ADCY7: variants seen among roughly 807,000 people sequenced by gnomAD.
The protein encoded by ADCY7 is adenylate cyclase type 7.
Under a neutral mutation model 120.6 loss-of-function variants are expected in ADCY7, and 72 were observed. The ratio of observed to expected loss-of-function variants is 0.60; its 90% CI spans 0.49 to 0.73. The LOEUF (loss-of-function observed/expected upper bound fraction) is 0.73. Ranked by LOEUF, ADCY7 falls within the 30% of genes least tolerant of loss-of-function variation. The probability of loss-of-function intolerance (pLI) is 0.00; values close to 1 mark genes in which losing one functional copy is unlikely to be tolerated. For missense variants in ADCY7, 1,227 were observed against 1,486.0 expected, an observed-to-expected ratio of 0.83 and a Z score of 2.87; for synonymous variants, 661 against 628.0, an observed-to-expected ratio of 1.05 and a Z score of -0.78.
In ADCY7 at chr16:50,284,185, G is replaced by A. The variant is rs186572111; in HGVS notation, c.-268-3727G>A. ...CATGCCACTGGTGGTGGGTTCCTGG[G>A]CCCCCTCTGGAGATGTGATCAGTGA... On this transcript the variant is annotated intron_variant, in intron 1 of 25. Transcript: ENST00000673801. Among the ~76,000 whole-genome samples, 26 of 152,218 alleles carry A rather than the reference G, an allele frequency of 1.7e-4. No homozygotes were observed. The East Asian group carries it at 5.0e-3, about 29-fold the overall frequency.
rs1246005548 is a variant in ADCY7, at chr16:50,314,060, C to G, written c.2854C>G (p.Gln952Glu). Reference sequence around the variant, plus strand: ...CAGCGTCGCCTCAGGGCACGAGAACCAGGTACTCAAGCCCAAGAGGTGAAA... The same window carrying G: ...CAGCGTCGCCTCAGGGCACGAGAACGAGGTACTCAAGCCCAAGAGGTGAAA... ...GLSVASGHEN[Q>E]ELERQHAHIG... is the part of the protein sequence containing the mutation. The change falls in exon 23 of 26, where the codon CAG becomes GAG. Residue 952 changes from glutamine (Q) to glutamate (E), a missense_variant and splice_region_variant. Gln to Glu is a conservative substitution (Grantham distance 29). Around this residue, in one of 5 missense-constraint regions of ADCY7, gnomAD observed 244 missense variants for 332.8 expected, o/e 0.73. Coordinates refer to ENST00000673801, the MANE Select transcript of ADCY7 (RefSeq NM_001114.5). 2 of 1,613,588 alleles carry G rather than the reference C, an allele frequency of 1.2e-6. No homozygotes were observed. The highest frequency in any genetic ancestry group is 2.7e-5 in the African/African-American group (2 of 75,048).
At chr16:50,262,754 G>A (rs2033093190), upstream of ADCY7, among the ~76,000 whole-genome samples, 1 of 152,196 alleles carries the variant, frequency 6.6e-6, no homozygotes. Context: ...GGAAGAGGAT[G>A]GGGGTTGCTG....
intron 1 of ADCY7, among the ~76,000 whole-genome samples, chr16:50,278,882 T>C (rs982635370): frequency 2.0e-5 from 3 of 151,714 alleles, no homozygotes; most frequent in Non-Finnish European, 2.9e-5. Flanking sequence ...CTCTTTTTTT[T>C]TTTTTTTTTG....
chr16:50,252,013 C>G (rs922853265), intron 1 of ADCY7, among the ~76,000 whole-genome samples: 2 of 152,236 alleles, frequency 1.3e-5, no homozygotes, highest in Non-Finnish European at 2.9e-5. Context: ...CTGTCACAGT[C>G]CCAGGCCTCT....
At chr16:50,258,759 A>AT (rs1467274879) in intron 1 of ADCY7, among the ~76,000 whole-genome samples, 1 of 151,586 alleles carries the variant, frequency 6.6e-6, no homozygotes, top group Non-Finnish European at 1.5e-5. Context: ...GCTCAGGCTA[A>AT]TTTTTTTTGT....
At chr16:50,250,012 T>C (rs2032707557) in intron 1 of ADCY7, among the ~76,000 whole-genome samples, 2 of 152,228 alleles carry the variant, frequency 1.3e-5, no homozygotes, top group African/African-American at 4.8e-5. Flanking sequence ...GAGTCCCAGC[T>C]CAATGTTTGG....
At position 50,317,992 on chromosome 16, in the gene ADCY7, G is replaced by A. The variant is rs1045959814; in HGVS notation, c.*2487G>A. The A allele has an allele frequency of 6.6e-6, 1 of 152,268 alleles. No individual in the cohort carries two copies. The highest frequency in any genetic ancestry group is 2.4e-5 in the African/African-American group (1 of 41,414). The allele number at this position is 152,268 out of a possible 1,614,324, so 9.4% of individuals were successfully genotyped here. On this transcript the variant is annotated 3_prime_UTR_variant, in exon 26 of 26. Transcript: ENST00000673801. ...GTGTAAAGAAATATGATTTGAGGTGGTGCATGCAAGTAACTAGGGTTTATT... is the reference window on the plus strand; with the variant it reads ...GTGTAAAGAAATATGATTTGAGGTGATGCATGCAAGTAACTAGGGTTTATT...
At chr16:50,290,386 G>T in intron 2 of ADCY7, 71 bp from the exon 3 acceptor site, 1 of 1,564,692 alleles carries the variant, frequency 6.4e-7, no homozygotes, top group Non-Finnish European at 8.7e-7. Context: ...AGCCGGCCCG[G>T]CAGGCTTTCT....
chr16:50,314,524 T>G, intron 24 of ADCY7, 118 bp downstream of exon 24: 3 of 693,138 alleles, frequency 4.3e-6, no homozygotes, highest in Non-Finnish European at 7.4e-6. Flanking sequence ...ATCCCTCTGA[T>G]CTGACAAGCT....
intron 10 of ADCY7, among the ~76,000 whole-genome samples, chr16:50,303,497 C>G (rs527580832): frequency 1.3e-5 from 2 of 152,156 alleles, no homozygotes; most frequent in African/African-American, 4.8e-5. Context: ...ACCTGGAGCC[C>G]GCTTAAGCTC....
chr16:50,270,095 T>C (rs2033459282), intron 1 of ADCY7, among the ~76,000 whole-genome samples: 1 of 152,052 alleles, frequency 6.6e-6, no homozygotes, highest in Admixed American at 6.5e-5. Flanking sequence ...GAGGATTGCT[T>C]GAGCCCAGGA....
At chr16:50,287,765 T>A (rs1456599979) in intron 1 of ADCY7, 147 bp from the exon 2 acceptor site, 1 of 166,872 alleles carries the variant, frequency 6.0e-6, no homozygotes, top group African/African-American at 2.4e-5. Context: ...GGACTAGCTT[T>A]ACGACAACAG....
At chr16:50,256,922 T>C (rs1209327428) in intron 1 of ADCY7, among the ~76,000 whole-genome samples, 5 of 152,164 alleles carry the variant, frequency 3.3e-5, no homozygotes, top group Admixed American at 2.6e-4. Flanking sequence ...TAGAAACAAG[T>C]GTCCATTAAT....
chr16:50,312,686 A>C (rs1224477425), intron 21 of ADCY7, among the ~76,000 whole-genome samples: 1 of 152,094 alleles, frequency 6.6e-6, no homozygotes, highest in Non-Finnish European at 1.5e-5. Flanking sequence ...GCAAAAACCA[A>C]CCTGAGCCTG....
At chr16:50,289,622 C>T (rs1484716283) in intron 2 of ADCY7, among the ~76,000 whole-genome samples, 8 of 152,182 alleles carry the variant, frequency 5.3e-5, no homozygotes, top group African/African-American at 1.7e-4. Context: ...CATGCCACCA[C>T]GCCTGGCTAA....
rs1217380252 is a variant in ADCY7, at chr16:50,291,610, C to G, written c.376-126C>G. On this transcript the variant is annotated intron_variant, in intron 3 of 25. Transcript: ENST00000673801. Reference sequence around the variant, plus strand: ...TTGTTCCCTTGTATGTCTGCCCACGCAGGGGGTGGCGAGGGAGCCAACCTA... The same window carrying G: ...TTGTTCCCTTGTATGTCTGCCCACGGAGGGGGTGGCGAGGGAGCCAACCTA... 32 of 1,042,900 alleles carry G rather than the reference C, an allele frequency of 3.1e-5. No homozygotes were observed. The Admixed American group carries it at 6.7e-4, about 22-fold the overall frequency. The allele number at this position is 1,042,900 out of a possible 1,614,324, so 64.6% of individuals were successfully genotyped here. A position where few individuals can be genotyped will look rare whatever the true frequency, so the allele number is the denominator to read the frequency against.
chr16:50,304,693 G>T (rs1450495899), intron 11 of ADCY7, 142 bp downstream of exon 11: 1 of 1,052,920 alleles, frequency 9.5e-7, no homozygotes, highest in South Asian at 1.5e-5. Flanking sequence ...ACCTCCTGGG[G>T]CTGGAGAGGA....
At chr16:50,305,991 C>CG (rs2036040522) in intron 14 of ADCY7, 142 bp downstream of exon 14, 8 of 716,062 alleles carry the variant, frequency 1.1e-5, no homozygotes, top group South Asian at 6.4e-5. Flanking sequence ...TGCTCCTGGG[C>CG]GGGGGGCAGG....
Position 50,308,690 on chromosome 16 carries a change from GCTCTGCACTAT to G in ADCY7, c.1965_1975del (p.Cys655Ter), listed in dbSNP as rs2036244453. 6.2e-7 allele frequency: 1 copy of G among 1,613,236 alleles called. No individual in the cohort carries two copies. The highest frequency in any genetic ancestry group is 8.5e-7 in the Non-Finnish European group (1 of 1,179,884). On this transcript the variant is annotated frameshift_variant, in exon 17 of 26. Transcript: ENST00000673801. LOFTEE classifies it high-confidence loss of function. The stretch of plus-strand genomic sequence containing the variant: ...AGAGGTGCTGCCCAGCTCGGGGGAC[GCTCTGCACTAT>G]CTCTGAGAGGGTGGAGACACAGCCC...
Sources: allele counts gnomAD v4.1 joint callset (sites outside exome capture counted in the v4.1 genomes callset), GRCh38; gene constraint gnomAD v4.1.1; regional missense constraint gnomAD v4.1.1; transcripts MANE v1.5; gene names NCBI Gene and HGNC (gene_info 2026-07-23, HGNC 2026-07-21).